GLI2: variants seen among roughly 807,000 people sequenced by gnomAD.
The protein encoded by GLI2 is GLI family zinc finger 2, also known as transcription activator GLI2.
GLI2 carries 22 observed loss-of-function variants against 78.9 expected under a neutral mutation model. The observed-to-expected ratio is 0.28, with a 90% CI of 0.20 to 0.40. The LOEUF (loss-of-function observed/expected upper bound fraction) is 0.40, where lower values mean the gene tolerates loss of function less well. GLI2 is among the 10% of genes least tolerant of loss of function. The pLI is 1.00. For synonymous variants in GLI2, 974 were observed against 963.7 expected (o/e 1.01, Z -0.20); for missense variants, 2,097 against 2,213.2 (o/e 0.95, Z 1.05).
At chr2:120,781,500 G>T (rs1193807671) in intron 1 of GLI2, among the ~76,000 whole-genome samples, 1 of 152,180 alleles carries the variant, frequency 6.6e-6, no homozygotes, top group African/African-American at 2.4e-5. Context: ...TCAGGAGTCA[G>T]GCTCGATTTA....
At chr2:120,798,958 C>G (rs1011626386) in intron 2 of GLI2, among the ~76,000 whole-genome samples, 2 of 152,206 alleles carry the variant, frequency 1.3e-5, no homozygotes, top group Admixed American at 1.3e-4. Flanking sequence ...CGGGAACCAT[C>G]CCCCCATCCC....
Position 120,988,885 on chromosome 2 carries a change from C to T in GLI2, c.2920C>T (p.His974Tyr), listed in dbSNP as rs1482145486. Reference protein sequence around the residue: ...LPRVQRFHSTHNVNPGPLPPC... With the variant: ...LPRVQRFHSTYNVNPGPLPPC... Reference sequence around the variant, plus strand: ...GCGGGTGCAGCGCTTCCACAGCACCCACAACGTGAACCCCGGCCCGCTGCC... The same window carrying T: ...GCGGGTGCAGCGCTTCCACAGCACCTACAACGTGAACCCCGGCCCGCTGCC... Residue 974 changes from histidine to tyrosine, a missense_variant, in exon 14 of 14, where the codon CAC (histidine) becomes TAC (tyrosine). Physicochemically the swap from His to Tyr is moderately conservative, Grantham distance 83. Around this residue, in one of 5 missense-constraint regions of GLI2, gnomAD observed 1,290 missense variants for 1,261.7 expected, o/e 1.02. Coordinates refer to ENST00000361492, the MANE Select transcript of GLI2 (RefSeq NM_001374353.1). 6.6e-7 allele frequency: 1 copy of T among 1,505,282 alleles called. No individual in the cohort carries two copies. The highest frequency in any genetic ancestry group is 2.0e-5 in the Admixed American group (1 of 49,598). The allele number at this position is 1,505,282 out of a possible 1,614,324, so 93.2% of individuals were successfully genotyped here. A position where few individuals can be genotyped will look rare whatever the true frequency, so the allele number is the denominator to read the frequency against.
chr2:120,746,050 C>G (rs898547960), intron 1 of GLI2, among the ~76,000 whole-genome samples: 1 of 152,222 alleles, frequency 6.6e-6, no homozygotes, highest in Non-Finnish European at 1.5e-5. Context: ...CCCGTAGGAC[C>G]TGGTGCCCAG....
intron 7 of GLI2, among the ~76,000 whole-genome samples, chr2:120,970,976 C>T (rs1682121886): frequency 6.6e-6 from 1 of 152,256 alleles, no homozygotes; most frequent in African/African-American, 2.4e-5. Flanking sequence ...CAGGCTTTCA[C>T]ACACTGCCTC....
intron 2 of GLI2, among the ~76,000 whole-genome samples, chr2:120,847,761 C>CG (rs138384184): frequency 0.22 from 23,132 of 103,532 alleles, 2,137 homozygotes; most frequent in Middle Eastern, 0.29. Context: ...GGGGCAGGGG[C>CG]GGGGGGGCGG....
chr2:120,749,125 G>A (rs968331970), intron 1 of GLI2, among the ~76,000 whole-genome samples: 6 of 152,142 alleles, frequency 3.9e-5, no homozygotes, highest in Non-Finnish European at 8.8e-5. Context: ...TTGTCTCTGG[G>A]ATTTCCCTTG....
Position 120,955,135 on chromosome 2 carries a change from G to T in GLI2, c.458-110G>T, listed in dbSNP as rs1163928134. 1.6e-5 allele frequency: 12 copies of T among 743,160 alleles called. No individual in the cohort carries two copies. In the African/African-American group the frequency reaches 2.0e-4, roughly 12 times the overall value. The allele number at this position is 743,160 out of a possible 1,614,324, so 46.0% of individuals were successfully genotyped here. ...CCGAGGAGAGAAACCCCGACACCAG[G>T]TGTGCATTTCTCTCTGCCTTTTTTT... On this transcript the variant is annotated intron_variant, in intron 4 of 13. Coordinates refer to ENST00000361492, the MANE Select transcript of GLI2 (RefSeq NM_001374353.1).
intron 2 of GLI2, among the ~76,000 whole-genome samples, chr2:120,923,450 T>C (rs890850105): frequency 6.6e-6 from 1 of 151,480 alleles, no homozygotes; most frequent in African/African-American, 2.4e-5. Flanking sequence ...CACAGCAACA[T>C]GCACATACAA....
chr2:120,813,867 A>T (rs999494979), intron 2 of GLI2, among the ~76,000 whole-genome samples: 1 of 152,158 alleles, frequency 6.6e-6, no homozygotes, highest in African/African-American at 2.4e-5. Context: ...ACTTCAACTT[A>T]TGGTGTCTTA....
intron 2 of GLI2, among the ~76,000 whole-genome samples, chr2:120,907,057 A>G (rs1250085560): frequency 1.3e-5 from 2 of 151,924 alleles, no homozygotes; most frequent in African/African-American, 4.8e-5. Flanking sequence ...AAACCTTCCT[A>G]ATGTCTCTCC....
intron 1 of GLI2, among the ~76,000 whole-genome samples, chr2:120,789,485 A>G (rs7559781): frequency 0.017 from 2,657 of 152,200 alleles, 83 homozygotes; most frequent in African/African-American, 0.061. Context: ...TCTGACTGGA[A>G]GCCACAGGGC....
chr2:120,974,813 T>C, intron 8 of GLI2, 162 bp from the exon 9 acceptor site: 1 of 895,404 alleles, frequency 1.1e-6, no homozygotes, highest in Non-Finnish European at 1.9e-6. Context: ...TCTGCATGCA[T>C]GTGTTGTGTG....
At chr2:120,873,835 C>T (rs2104685148) in intron 2 of GLI2, among the ~76,000 whole-genome samples, 1 of 152,326 alleles carries the variant, frequency 6.6e-6, no homozygotes, top group East Asian at 1.9e-4. Flanking sequence ...CATAAAATCT[C>T]TCTTGTTTGC....
At chr2:120,743,289 C>T (rs1483063615) in intron 1 of GLI2, among the ~76,000 whole-genome samples, 1 of 152,188 alleles carries the variant, frequency 6.6e-6, no homozygotes, top group East Asian at 1.9e-4. Context: ...CGCCTCCCCG[C>T]TCCCCTTCCT....
At chr2:120,964,035 T>C (rs1681718015) in intron 5 of GLI2, among the ~76,000 whole-genome samples, 1 of 152,054 alleles carries the variant, frequency 6.6e-6, no homozygotes, top group African/African-American at 2.4e-5. Flanking sequence ...TTGGGGATGG[T>C]CAGGTGGGAA....
intron 3 of GLI2, among the ~76,000 whole-genome samples, chr2:120,938,380 C>A (rs1680294222): frequency 6.6e-6 from 1 of 152,224 alleles, no homozygotes; most frequent in Non-Finnish European, 1.5e-5. Flanking sequence ...AAACTGATAA[C>A]CTTCTTATTC....
intron 10 of GLI2, 35 bp from the exon 11 acceptor site, chr2:120,982,681 G>A (rs1682769246): frequency 6.3e-7 from 1 of 1,586,848 alleles, no homozygotes; most frequent in Non-Finnish European, 8.6e-7. Context: ...TGGGCCCCCT[G>A]GGGTGCCTTG....
Position 120,800,920 on chromosome 2 carries a change from C to T in GLI2, c.148+3452C>T, listed in dbSNP as rs1002266708. Among the ~76,000 whole-genome samples, 1 of 152,126 alleles carries T rather than the reference C, an allele frequency of 6.6e-6. No homozygotes were observed. Among genetic ancestry groups the T allele is most frequent in the South Asian group, 2.1e-4 (1 of 4,832 alleles). ...AGGGGCGCAGTGGTGAGGAAACAGC[C>T]AAATCCTGCAAGCTGTCAGGGGCTG... On this transcript the variant is annotated intron_variant, in intron 2 of 13. Transcript: ENST00000361492. The surrounding 1 kb of genome is among the most constrained non-coding windows in gnomAD (Gnocchi z 4.1).
chr2:120,748,426 T>G (rs1328774154), intron 1 of GLI2, among the ~76,000 whole-genome samples: 1 of 152,154 alleles, frequency 6.6e-6, no homozygotes, highest in African/African-American at 2.4e-5. Flanking sequence ...GAGGAGGACT[T>G]TGCCAGCAGA....
Sources: gnomAD v4.1 joint callset for allele counts (sites outside exome capture counted in the v4.1 genomes callset) on GRCh38, gnomAD v4.1.1 for gene constraint, gnomAD v4.1.1 regional missense constraint, Gnocchi (gnomAD v3.1) non-coding constraint, MANE v1.5 for transcripts, NCBI Gene and HGNC (gene_info 2026-07-23, HGNC 2026-07-21) for gene names.